Variants in SOX6 observed in about 807,000 individuals in gnomAD.
SOX6 encodes SRY-box transcription factor 6.
Under a neutral mutation model 97.8 loss-of-function variants are expected in SOX6, and 11 were observed. That is an observed-to-expected ratio of 0.11 (90% CI 0.07 to 0.19). SOX6 has a LOEUF of 0.19. SOX6 is among the 10% of genes least tolerant of loss of function. The pLI, the probability that SOX6 is intolerant of heterozygous loss-of-function variation, is 1.00. For synonymous variants in SOX6, 360 were observed against 371.4 expected, an observed-to-expected ratio of 0.97 and a Z score of 0.35; for missense variants, 810 against 1,039.5, an observed-to-expected ratio of 0.78 and a Z score of 3.04.
intron 13 of SOX6, among the ~76,000 whole-genome samples, chr11:15,993,706 C>G (rs548795925): frequency 1.3e-5 from 2 of 152,086 alleles, no homozygotes; most frequent in African/African-American, 2.4e-5. Flanking sequence ...GGCAAACTTT[C>G]GGTTAGATTA....
At chr11:16,358,065 C>A (rs1046648375), upstream of SOX6, among the ~76,000 whole-genome samples, 1 of 152,140 alleles carries the variant, frequency 6.6e-6, no homozygotes, top group Middle Eastern at 3.2e-3. Context: ...CTGAAGGTCA[C>A]AGCATTTGCA....
chr11:16,327,770 C>A (rs1008366081), intron 2 of SOX6, among the ~76,000 whole-genome samples: 18 of 152,174 alleles, frequency 1.2e-4, no homozygotes, highest in African/African-American at 4.3e-4. Flanking sequence ...AGTCAGAAAG[C>A]ATAGGTCAGG....
chr11:16,175,262 G>C (rs932434068), intron 6 of SOX6, among the ~76,000 whole-genome samples: 3 of 151,800 alleles, frequency 2.0e-5, no homozygotes, highest in Non-Finnish European at 4.4e-5. Flanking sequence ...CCTATACCTA[G>C]TCATACAAGA....
In SOX6 at chr11:16,639,395, C is replaced by G. The variant is rs531925343; in HGVS notation, n.430-27135G>C. 5.3e-5 allele frequency among the ~76,000 whole-genome samples: 8 copies of G among 152,242 alleles called. No individual in the cohort carries two copies. The South Asian group carries it at 1.7e-3, about 32-fold the overall frequency. ...TTGGCTTAGGATTGACTTGGCAATG[C>G]GGGATCTTTTTTGGTTCCTTACGAA... On this transcript the variant is annotated intron_variant and non_coding_transcript_variant, in intron 3 of 5. Coordinates refer to the SOX6 transcript ENST00000524520.
At chr11:15,983,211 T>A (rs1300441369) in intron 15 of SOX6, among the ~76,000 whole-genome samples, 1 of 152,058 alleles carries the variant, frequency 6.6e-6, no homozygotes, top group Non-Finnish European at 1.5e-5. Context: ...ACACACACAT[T>A]TATTATCTTG....
intron 1 of SOX6, among the ~76,000 whole-genome samples, chr11:16,427,518 C>T (rs950187816): frequency 2.0e-5 from 3 of 151,662 alleles, no homozygotes; most frequent in Non-Finnish European, 4.4e-5. Flanking sequence ...TGTGATGTTC[C>T]CCTTCCTGTG....
At chr11:16,523,455 C>T (rs57897281) in intron 4 of SOX6, among the ~76,000 whole-genome samples, 22,767 of 151,932 alleles carry the variant, frequency 0.15, 1,782 homozygotes, top group Non-Finnish European at 0.16. Context: ...ACACAACATA[C>T]CAGAATCTCT....
chr11:16,074,436 T>C (rs1013840516), intron 9 of SOX6, among the ~76,000 whole-genome samples: 5 of 152,032 alleles, frequency 3.3e-5, no homozygotes, highest in African/African-American at 9.7e-5. Flanking sequence ...ATTCCAAAAT[T>C]GAATCAGTAA....
At chr11:16,510,857 G>T (rs1860870630) in intron 4 of SOX6, among the ~76,000 whole-genome samples, 1 of 152,014 alleles carries the variant, frequency 6.6e-6, no homozygotes, top group Non-Finnish European at 1.5e-5. Flanking sequence ...CATTTTCCAT[G>T]TGGGTAAACT....
At chr11:16,539,041 G>A (rs921711549) in intron 4 of SOX6, among the ~76,000 whole-genome samples, 1 of 152,036 alleles carries the variant, frequency 6.6e-6, no homozygotes, top group Non-Finnish European at 1.5e-5. Flanking sequence ...GCACCACATC[G>A]CACTTATCCT....
intron 4 of SOX6, among the ~76,000 whole-genome samples, chr11:16,561,944 C>T (rs1847820224): frequency 6.6e-6 from 1 of 151,728 alleles, no homozygotes; most frequent in Non-Finnish European, 1.5e-5. Context: ...CCAGGCAGGT[C>T]TCTAACTCCT....
At chr11:16,606,489 C>T (rs1040025549) in intron 4 of SOX6, among the ~76,000 whole-genome samples, 3 of 152,208 alleles carry the variant, frequency 2.0e-5, no homozygotes, top group Non-Finnish European at 2.9e-5. Context: ...CACACGCAGC[C>T]ACAAAAGCTT....
chr11:16,410,759 C>CAAAA (rs71044100), intron 1 of SOX6, among the ~76,000 whole-genome samples: 14 of 64,350 alleles, frequency 2.2e-4, no homozygotes, highest in African/African-American at 5.3e-4. Context: ...AACCGGTCTC[C>CAAAA]AAAAAAAAAA....
At chr11:16,602,005 T>C (rs1184894601) in intron 4 of SOX6, among the ~76,000 whole-genome samples, 1 of 152,214 alleles carries the variant, frequency 6.6e-6, no homozygotes, top group Non-Finnish European at 1.5e-5. Context: ...ATCTCATTTC[T>C]TCTAGGCATT....
intron 4 of SOX6, among the ~76,000 whole-genome samples, chr11:16,511,577 A>C (rs1318343101): frequency 2.0e-5 from 3 of 152,130 alleles, no homozygotes; most frequent in Admixed American, 2.0e-4. Context: ...CAGTGAGTAG[A>C]ATGCTGGCAA....
At chr11:16,292,683 C>G (rs1224403656) in intron 3 of SOX6, among the ~76,000 whole-genome samples, 1 of 152,114 alleles carries the variant, frequency 6.6e-6, no homozygotes, top group Admixed American at 6.6e-5. Context: ...TGATTATACC[C>G]CGACGGATAG....
At chr11:16,493,493 G>A (rs944916406) in intron 4 of SOX6, among the ~76,000 whole-genome samples, 2 of 152,140 alleles carry the variant, frequency 1.3e-5, no homozygotes. Flanking sequence ...GAGGAGGAAG[G>A]GGAGTAGTGG....
intron 2 of SOX6, among the ~76,000 whole-genome samples, chr11:16,733,478 T>C (rs1198902150): frequency 2.8e-5 from 4 of 142,622 alleles, no homozygotes; most frequent in Non-Finnish European, 4.5e-5. Context: ...ATCACAAGAA[T>C]AGAAAAACCA....
At chr11:16,265,515 A>G (rs1201582747) in intron 3 of SOX6, among the ~76,000 whole-genome samples, 1 of 151,882 alleles carries the variant, frequency 6.6e-6, no homozygotes, top group Non-Finnish European at 1.5e-5. Context: ...GGAATATCCA[A>G]CAAGGTAAAA....
Sources: gnomAD v4.1 joint callset for allele counts (sites outside exome capture counted in the v4.1 genomes callset) on GRCh38, gnomAD v4.1.1 for gene constraint, MANE v1.5 for transcripts, NCBI Gene and HGNC (gene_info 2026-07-23, HGNC 2026-07-21) for gene names.